Variants in KLHDC10 observed in about 807,000 individuals in gnomAD.
The protein encoded by KLHDC10 is kelch domain containing 10.
Under a neutral mutation model 56.1 loss-of-function variants are expected in KLHDC10, and 24 were observed. The observed-to-expected ratio is 0.43, with a 90% CI of 0.31 to 0.60. The LOEUF (loss-of-function observed/expected upper bound fraction) is 0.60, where lower values mean the gene tolerates loss of function less well. Ranked by LOEUF, KLHDC10 falls within the 20% of genes least tolerant of loss-of-function variation. The pLI is 0.11. For missense variants in KLHDC10, 349 were observed against 567.0 expected (o/e 0.62, Z 3.91); for synonymous variants, 188 against 207.1 (o/e 0.91, Z 0.79).
intron 2 of KLHDC10, among the ~76,000 whole-genome samples, chr7:130,106,046 G>A (rs1359228131): frequency 6.6e-6 from 1 of 152,046 alleles, no homozygotes; most frequent in Non-Finnish European, 1.5e-5. Context: ...CTACTCGGGA[G>A]ACTGAGACAG....
chr7:130,123,923 T>C (rs547259508), intron 5 of KLHDC10, among the ~76,000 whole-genome samples: 2 of 152,350 alleles, frequency 1.3e-5, no homozygotes, highest in Non-Finnish European at 2.9e-5. Flanking sequence ...CTGTGTAGTA[T>C]AATTTTCTGC....
intron 1 of KLHDC10, among the ~76,000 whole-genome samples, chr7:130,088,217 T>C (rs568796563): frequency 6.6e-6 from 1 of 152,332 alleles, no homozygotes; most frequent in East Asian, 1.9e-4. Context: ...GGCATTGCAT[T>C]TGCCAAGAGA....
Position 130,116,350 on chromosome 7 carries a change from G to T in KLHDC10, c.254-95G>T, listed in dbSNP as rs573753355. ...TATATCCATGTTATAAATCCTTCCT[G>T]GTCCCCTTTTATGGCTAAAATGGTT... On this transcript the variant is annotated intron_variant, in intron 2 of 9. Coordinates refer to ENST00000335420, the MANE Select transcript of KLHDC10 (RefSeq NM_014997.4). The surrounding 1 kb of genome is among the most constrained non-coding windows in gnomAD (Gnocchi z 4.8). 1.2e-6 allele frequency: 1 copy of T among 808,832 alleles called. No homozygotes were observed. Among genetic ancestry groups the T allele is most frequent in the South Asian group, 1.6e-5 (1 of 62,470 alleles). 50.1% of individuals were successfully genotyped at this position (808,832 alleles called of 1,614,324 possible). A position where few individuals can be genotyped will look rare whatever the true frequency, so the allele number is the denominator to read the frequency against.
intron 2 of KLHDC10, among the ~76,000 whole-genome samples, chr7:130,112,582 A>G (rs1380775865): frequency 1.3e-5 from 2 of 152,136 alleles, no homozygotes; most frequent in African/African-American, 4.8e-5. Context: ...CTGAAACACA[A>G]TTTCAGTTTT....
intron 1 of KLHDC10, among the ~76,000 whole-genome samples, chr7:130,071,275 C>T (rs1052166122): frequency 1.3e-5 from 2 of 152,064 alleles, no homozygotes; most frequent in East Asian, 3.9e-4. Context: ...CATTCTGAAA[C>T]GGAAGAAAGG....
intron 3 of KLHDC10, among the ~76,000 whole-genome samples, chr7:130,118,017 A>C (rs184537399): frequency 0.014 from 2,058 of 151,674 alleles, 46 homozygotes; most frequent in African/African-American, 0.047. Flanking sequence ...CACACACACA[A>C]AAAAAATTAG....
Position 130,124,466 on chromosome 7 carries a change from T to C in KLHDC10, c.795T>C (p.Ile265=), listed in dbSNP as rs1049972343. 3.1e-6 allele frequency: 5 copies of C among 1,597,414 alleles called. No individual in the cohort carries two copies. The highest frequency in any genetic ancestry group is 1.7e-4 in the Middle Eastern group (1 of 5,998). Residue 265 remains isoleucine (I), a synonymous_variant, in exon 6 of 10, where the codon ATT becomes ATC. Coordinates refer to ENST00000335420, the MANE Select transcript of KLHDC10 (RefSeq NM_014997.4). ...DLPEERYRHE[I]AHDGQRIYIL... ...AAATTTTCAGATACCGACATGAAAT[T>C]GCACATGACGGGCAGAGGATTTACA...
At chr7:130,076,214 C>A (rs116924568) in intron 1 of KLHDC10, among the ~76,000 whole-genome samples, 1 of 152,062 alleles carries the variant, frequency 6.6e-6, no homozygotes, top group Non-Finnish European at 1.5e-5. Context: ...GGAGGCCAAG[C>A]TCTGGCGGGA....
At chr7:130,074,271 T>A (rs1795465637) in intron 1 of KLHDC10, among the ~76,000 whole-genome samples, 1 of 152,282 alleles carries the variant, frequency 6.6e-6, no homozygotes, top group Middle Eastern at 3.4e-3. Flanking sequence ...CCATTAGATC[T>A]CAGTTTGATC....
At chr7:130,126,739 G>A (rs1584640971) in intron 7 of KLHDC10, among the ~76,000 whole-genome samples, 1 of 152,124 alleles carries the variant, frequency 6.6e-6, no homozygotes, top group Admixed American at 6.6e-5. Context: ...TCTCCTTAGC[G>A]ATTGAGCAAA....
rs1474654688 is a variant in KLHDC10, at chr7:130,133,754, T to C, written c.*3008T>C. 1 of 152,220 alleles carries C rather than the reference T, an allele frequency of 6.6e-6. No homozygotes were observed. The highest frequency in any genetic ancestry group is 1.5e-5 in the Non-Finnish European group (1 of 68,042). The allele number at this position is 152,220 out of a possible 1,614,324, so 9.4% of individuals were successfully genotyped here. On this transcript the variant is annotated 3_prime_UTR_variant, in exon 10 of 10. Coordinates refer to ENST00000335420, the MANE Select transcript of KLHDC10 (RefSeq NM_014997.4). ...AGAATTAAAACCTAGTATTTAACAC[T>C]AACCATTCTCCTATGTATATACTAA...
chr7:130,124,556 A>G (rs779559934), intron 6 of KLHDC10, 21 bp downstream of exon 6: 5 of 1,259,922 alleles, frequency 4.0e-6, no homozygotes, highest in Admixed American at 1.7e-5. Context: ...TTAAAAAGAA[A>G]AAAAGGGAGA....
At chr7:130,081,378 G>A (rs1209755581) in intron 1 of KLHDC10, among the ~76,000 whole-genome samples, 1 of 151,966 alleles carries the variant, frequency 6.6e-6, no homozygotes, top group Non-Finnish European at 1.5e-5. Flanking sequence ...CAGTGCAGTG[G>A]CATGATCTTG....
At chr7:130,118,840 C>T (rs1796206876) in intron 3 of KLHDC10, among the ~76,000 whole-genome samples, 1 of 152,154 alleles carries the variant, frequency 6.6e-6, no homozygotes, top group African/African-American at 2.4e-5. Context: ...TCAAAACTCT[C>T]ACAGCATTTA....
rs996621297 is a variant in KLHDC10, at chr7:130,132,206, GC to G, written c.*1461del. On this transcript the variant is annotated 3_prime_UTR_variant, in exon 10 of 10. Coordinates refer to ENST00000335420, the MANE Select transcript of KLHDC10 (RefSeq NM_014997.4). Reference sequence around the variant, plus strand: ...AGGTGCTGAAGGCGTGCAAGGGGCAGCGCTGGTCCTCCCGGGGCCAACTCAC... The same window carrying G: ...AGGTGCTGAAGGCGTGCAAGGGGCAGGCTGGTCCTCCCGGGGCCAACTCAC... 10 of 152,210 alleles carry G rather than the reference GC, an allele frequency of 6.6e-5. No individual in the cohort carries two copies. The highest frequency in any genetic ancestry group is 2.4e-4 in the African/African-American group (10 of 41,450). 9.4% of individuals were successfully genotyped at this position (152,210 alleles called of 1,614,324 possible). A position where few individuals can be genotyped will look rare whatever the true frequency, so the allele number is the denominator to read the frequency against.
chr7:130,126,312 T>TA (rs746772669), intron 7 of KLHDC10, among the ~76,000 whole-genome samples: 88 of 152,252 alleles, frequency 5.8e-4, no homozygotes, highest in South Asian at 1.5e-3. Context: ...AATGAGACCC[T>TA]ATCTCAAAAA....
chr7:130,080,307 G>T (rs180904814), intron 1 of KLHDC10, among the ~76,000 whole-genome samples: 1 of 152,196 alleles, frequency 6.6e-6, no homozygotes, highest in Admixed American at 6.5e-5. Context: ...TAAAGGTTTT[G>T]TGGAATTCCC....
At chr7:130,109,054 G>A (rs1029407903) in intron 2 of KLHDC10, among the ~76,000 whole-genome samples, 1 of 151,544 alleles carries the variant, frequency 6.6e-6, no homozygotes, top group Non-Finnish European at 1.5e-5. Flanking sequence ...AGCTGGGACT[G>A]CAGGTGTGCG....
At chr7:130,090,296 GA>G (rs1488956927) in intron 1 of KLHDC10, among the ~76,000 whole-genome samples, 1 of 151,758 alleles carries the variant, frequency 6.6e-6, no homozygotes, top group Non-Finnish European at 1.5e-5. Flanking sequence ...ACAGTTTTAA[GA>G]AATAATATTG....
Sources: allele counts gnomAD v4.1 joint callset (sites outside exome capture counted in the v4.1 genomes callset), GRCh38; gene constraint gnomAD v4.1.1; non-coding constraint Gnocchi (gnomAD v3.1); transcripts MANE v1.5; gene names NCBI Gene and HGNC (gene_info 2026-07-23, HGNC 2026-07-21).